DNAH11: variants seen among roughly 807,000 people sequenced by gnomAD.
DNAH11 encodes axonemal beta dynein heavy chain 11.
Under a neutral mutation model 526.0 loss-of-function variants are expected in DNAH11, and 442 were observed. The ratio of observed to expected loss-of-function variants is 0.84; its 90% confidence interval spans 0.78 to 0.91. The LOEUF (loss-of-function observed/expected upper bound fraction) is 0.91, where lower values mean the gene tolerates loss of function less well. Among genes scored for constraint, DNAH11 ranks in the 40% least tolerant of loss-of-function variants. The pLI, the probability that DNAH11 is intolerant of heterozygous loss-of-function variation, is 0.00. For missense variants in DNAH11, 6,989 were observed against 5,448.7 expected, an observed-to-expected ratio of 1.28 and a Z score of -8.90; for synonymous variants, 2,461 against 1,935.9, an observed-to-expected ratio of 1.27 and a Z score of -7.12.
At chr7:21,780,882 C>G (rs1203210718) in intron 57 of DNAH11, among the ~76,000 whole-genome samples, 1 of 152,132 alleles carries the variant, frequency 6.6e-6, no homozygotes, top group African/African-American at 2.4e-5. Context: ...ATGTAGATTA[C>G]ATTGCAGTGG....
rs184391535 is a variant in DNAH11 at position 21,623,424 on chromosome 7, A to C, written c.4500+3346A>C. 5.4e-3 allele frequency among the ~76,000 whole-genome samples: 825 copies of C among 152,358 alleles called. 6 individuals are homozygous for C. The highest frequency in any genetic ancestry group is 9.1e-3 in the Non-Finnish European group (619 of 68,034). ...CAGTGTGGCAATTCCTCAGGGATCT[A>C]GAACTAGAAATACCGTTTGACCCAG... On this transcript the variant is annotated intron_variant, in intron 25 of 81. Transcript: ENST00000409508.
intron 35 of DNAH11, among the ~76,000 whole-genome samples, chr7:21,693,352 G>A (rs971917686): frequency 6.6e-6 from 1 of 152,124 alleles, no homozygotes; most frequent in Admixed American, 6.5e-5. Context: ...TTATTAATAG[G>A]TACTGCTGGA....
rs561999732 is a variant in DNAH11, at chr7:21,771,695, A to G, written c.9103-2071A>G. On this transcript the variant is annotated intron_variant, in intron 55 of 81. Coordinates refer to ENST00000409508, the MANE Select transcript of DNAH11 (RefSeq NM_001277115.2). ...CATCATGATTAGCTGCTAAATGACT[A>G]TAAGTGGTTATCAACTGGTTTTTAT... is the stretch of plus-strand genomic sequence containing the variant. Among the ~76,000 whole-genome samples the G allele has an allele frequency of 4.6e-5, 7 of 152,210 alleles. 1 individual carries two copies. In the East Asian group the frequency reaches 5.8e-4, roughly 13 times the overall value.
intron 14 of DNAH11, among the ~76,000 whole-genome samples, chr7:21,595,817 C>T (rs1487132870): frequency 6.6e-6 from 1 of 151,580 alleles, no homozygotes; most frequent in Non-Finnish European, 1.5e-5. Flanking sequence ...ATGAGTTTAG[C>T]TAGAGAATAG....
chr7:21,891,956 A>G (rs1784340470), intron 76 of DNAH11, among the ~76,000 whole-genome samples: 1 of 152,188 alleles, frequency 6.6e-6, no homozygotes, highest in South Asian at 2.1e-4. Flanking sequence ...AGTACTGTGG[A>G]AAGTATGGTG....
chr7:21,616,866 A>G (rs1202987187), intron 22 of DNAH11, among the ~76,000 whole-genome samples: 1 of 152,184 alleles, frequency 6.6e-6, no homozygotes, highest in Admixed American at 6.5e-5. Context: ...CTTTGGATAA[A>G]GGCAAAATGC....
At chr7:21,610,285 T>G (rs1449278149) in intron 20 of DNAH11, among the ~76,000 whole-genome samples, 2 of 151,954 alleles carry the variant, frequency 1.3e-5, no homozygotes, top group Non-Finnish European at 2.9e-5. Flanking sequence ...AAAAAGATAC[T>G]CTGGGAGTTT....
chr7:21,874,275 C>T (rs1360553669), intron 74 of DNAH11, among the ~76,000 whole-genome samples: 1 of 151,790 alleles, frequency 6.6e-6, no homozygotes, highest in African/African-American at 2.4e-5. Context: ...ATCTATGACA[C>T]CTTATTTATA....
At position 21,812,066 on chromosome 7, in the gene DNAH11, C is replaced by A. The variant is rs533433179; in HGVS notation, c.10332+4017C>A. ...ATATCATCCCCTTCCTCCCCCAATTCCCCCAACTGGAATAGAAAGGAAATA... is the reference window on the plus strand; with the variant it reads ...ATATCATCCCCTTCCTCCCCCAATTACCCCAACTGGAATAGAAAGGAAATA... On this transcript the variant is annotated intron_variant, in intron 63 of 81. Transcript: ENST00000409508. Among the ~76,000 whole-genome samples the A allele has an allele frequency of 3.3e-5, 5 of 152,172 alleles. No homozygotes were observed. The South Asian group carries it at 6.2e-4, about 19-fold the overall frequency.
intron 25 of DNAH11, among the ~76,000 whole-genome samples, chr7:21,622,290 C>T (rs1236899945): frequency 6.6e-6 from 1 of 152,078 alleles, no homozygotes; most frequent in African/African-American, 2.4e-5. Context: ...TCAAGGAGAA[C>T]TACAAACCAC....
At chr7:21,707,929 A>C in intron 40 of DNAH11, 94 bp downstream of exon 40, 1 of 1,323,088 alleles carries the variant, frequency 7.6e-7, no homozygotes, top group South Asian at 1.7e-5. Context: ...TCGCAGACTT[A>C]CTGTTTATGT....
chr7:21,651,273 G>A (rs993703370), intron 28 of DNAH11, among the ~76,000 whole-genome samples: 2 of 152,136 alleles, frequency 1.3e-5, no homozygotes, highest in South Asian at 2.1e-4. Context: ...GGGCAAATAC[G>A]AACTTAGATA....
intron 61 of DNAH11, among the ~76,000 whole-genome samples, chr7:21,789,809 T>TTCTTTCTTTC (rs1788374798): frequency 5.1e-5 from 1 of 19,490 alleles, no homozygotes; most frequent in African/African-American, 1.5e-4. Flanking sequence ...TTCTTTCTTT[T>TTCTTTCTTTC]TTCTTTCTTT....
chr7:21,658,742 G>A (rs999888478), intron 29 of DNAH11, 56 bp from the exon 30 acceptor site: 1 of 1,433,732 alleles, frequency 7.0e-7, no homozygotes, highest in Non-Finnish European at 9.3e-7. Context: ...GTAGGAGGAT[G>A]AAATTATCCT....
chr7:21,758,314 A>G (rs1436652808), intron 54 of DNAH11, among the ~76,000 whole-genome samples: 1 of 152,220 alleles, frequency 6.6e-6, no homozygotes, highest in Non-Finnish European at 1.5e-5. Context: ...TCTGAGGTTT[A>G]CCCTCTTTGA....
chr7:21,544,662 A>AG (rs1782739648), intron 1 of DNAH11, among the ~76,000 whole-genome samples: 1 of 133,464 alleles, frequency 7.5e-6, no homozygotes, highest in Non-Finnish European at 1.7e-5. Flanking sequence ...AGTATAAAAA[A>AG]TAACCCTTTA....
At chr7:21,768,886 C>T (rs769395965) in intron 55 of DNAH11, among the ~76,000 whole-genome samples, 10 of 152,146 alleles carry the variant, frequency 6.6e-5, no homozygotes, top group Non-Finnish European at 1.3e-4. Flanking sequence ...GAGTTTCTAT[C>T]ATATTAATGA....
chr7:21,702,644 A>ACCTCTGGAATGAGAATCTTCTTC, intron 36 of DNAH11, 66 bp from the exon 37 acceptor site: 1 of 1,389,290 alleles, frequency 7.2e-7, no homozygotes, highest in Non-Finnish European at 1.0e-6. Flanking sequence ...TTCAGCTCTT[A>ACCTCTGGAATGAGAATCTTCTTC]CCTCTGGAAT....
chr7:21,678,885 G>A (rs1326802624), intron 30 of DNAH11, among the ~76,000 whole-genome samples: 1 of 152,064 alleles, frequency 6.6e-6, no homozygotes, highest in East Asian at 1.9e-4. Flanking sequence ...TGGGTATATA[G>A]GTAAAGGAAA....
Sources: allele counts gnomAD v4.1 joint callset (sites outside exome capture counted in the v4.1 genomes callset), GRCh38; gene constraint gnomAD v4.1.1; transcripts MANE v1.5; gene names NCBI Gene and HGNC (gene_info 2026-07-23, HGNC 2026-07-21).